The following MRRF variants were observed in gnomAD, a reference collection of about 807,000 sequenced individuals.
The protein encoded by MRRF is ribosome-recycling factor, mitochondrial.
In MRRF, 18 loss-of-function variants were observed where a neutral mutation model predicts 25.1. The ratio of observed to expected loss-of-function variants is 0.72; its 90% CI spans 0.50 to 1.06. The LOEUF is 1.06. Ranked by LOEUF, MRRF falls within the 50% of genes least tolerant of loss-of-function variation. The pLI is 0.00. For missense variants in MRRF, 323 were observed against 319.3 expected, an observed-to-expected ratio of 1.01 and a Z score of -0.09; for synonymous variants, 113 against 112.1, an observed-to-expected ratio of 1.01 and a Z score of -0.05.
chr9:122,292,406 G>A (rs1175862137), intron 5 of MRRF, among the ~76,000 whole-genome samples: 8 of 152,016 alleles, frequency 5.3e-5, no homozygotes, highest in African/African-American at 1.9e-4. Context: ...CTTGCTAGTC[G>A]AAGAATTTTA....
At chr9:122,275,963 A>G (rs1380506412) in intron 2 of MRRF, among the ~76,000 whole-genome samples, 1 of 152,092 alleles carries the variant, frequency 6.6e-6, no homozygotes, top group Admixed American at 6.5e-5. Flanking sequence ...ACTGGAGTGC[A>G]GTGGCATGAT....
At chr9:122,305,136 C>T (rs1564503865) in intron 5 of MRRF, among the ~76,000 whole-genome samples, 2 of 152,066 alleles carry the variant, frequency 1.3e-5, no homozygotes, top group African/African-American at 4.8e-5. Context: ...TGTAGCTGGG[C>T]ACTCTCTCTC....
At chr9:122,295,712 C>G (rs1430664702) in intron 5 of MRRF, among the ~76,000 whole-genome samples, 1 of 152,152 alleles carries the variant, frequency 6.6e-6, no homozygotes, top group Non-Finnish European at 1.5e-5. Context: ...ACCCAAAGTG[C>G]TGGGATTACA....
chr9:122,280,067 C>A (rs1268875377), intron 2 of MRRF, among the ~76,000 whole-genome samples: 1 of 152,146 alleles, frequency 6.6e-6, no homozygotes, highest in Non-Finnish European at 1.5e-5. Context: ...GTATAGTGTT[C>A]TTTTAGGTGT....
rs1281513220 is a variant in MRRF at position 122,327,006 on chromosome 9, C to G, written c.*4389C>G. The G allele has an allele frequency of 1.3e-5, 2 of 152,180 alleles. No individual in the cohort carries two copies. The highest frequency in any genetic ancestry group is 4.8e-5 in the African/African-American group (2 of 41,428). The allele number at this position is 152,180 out of a possible 1,614,324, so 9.4% of individuals were successfully genotyped here. A position where few individuals can be genotyped will look rare whatever the true frequency, so the allele number is the denominator to read the frequency against. On this transcript the variant is annotated 3_prime_UTR_variant, in exon 7 of 7. Coordinates refer to ENST00000344641, the MANE Select transcript of MRRF (RefSeq NM_138777.5). ...CGCTGAACACTTACTCAAAAGGGAC[C>G]TCGCGCTGTTCTGGACCTGGACGGT...
intron 2 of MRRF, among the ~76,000 whole-genome samples, chr9:122,273,317 C>T (rs2119047733): frequency 6.6e-6 from 1 of 151,974 alleles, no homozygotes; most frequent in Middle Eastern, 3.4e-3. Context: ...TGGTGCACCC[C>T]TGTGGTCCCA....
rs1834734220 is a variant in MRRF, at chr9:122,304,836, A to G, written c.552-8391A>G. On this transcript the variant is annotated intron_variant, in intron 5 of 6. Coordinates refer to ENST00000344641, the MANE Select transcript of MRRF (RefSeq NM_138777.5). ...CCAACAAGAGAGGAAATAGAGCAGAAGGCCTGGAATTTAGGAGTCAGGCTA... is the reference window on the plus strand; with the variant it reads ...CCAACAAGAGAGGAAATAGAGCAGAGGGCCTGGAATTTAGGAGTCAGGCTA... Among the ~76,000 whole-genome samples, 2 of 152,200 alleles carry G rather than the reference A, an allele frequency of 1.3e-5. 1 individual carries two copies. Among genetic ancestry groups the G allele is most frequent in the South Asian group, 4.1e-4 (2 of 4,826 alleles).
chr9:122,291,961 TG>T (rs1422703004), intron 5 of MRRF, 121 bp downstream of exon 5: 1 of 774,458 alleles, frequency 1.3e-6, no homozygotes, highest in East Asian at 2.5e-5. Context: ...CCTTTCACCC[TG>T]GCAAACATCT....
intron 3 of MRRF, among the ~76,000 whole-genome samples, chr9:122,283,380 A>G (rs1833197688): frequency 1.3e-5 from 2 of 152,310 alleles, no homozygotes; most frequent in South Asian, 4.1e-4. Context: ...GGCGTGAGCC[A>G]CTGTACCCGG....
At chr9:122,291,662 C>T in intron 4 of MRRF, 87 bp from the exon 5 acceptor site, 2 of 919,140 alleles carry the variant, frequency 2.2e-6, no homozygotes, top group South Asian at 1.3e-5. Context: ...CATGTTCTGC[C>T]AAGATGGGTT....
chr9:122,327,790 C>G lies in MRRF; in HGVS notation c.*5173C>G, dbSNP rs915742407. Reference sequence around the variant, plus strand: ...ATCTTGTTGTATATCAGGATTACAGCTCTTGCTTGCTTTTTGTTTACATTT... The same window carrying G: ...ATCTTGTTGTATATCAGGATTACAGGTCTTGCTTGCTTTTTGTTTACATTT... On this transcript the variant is annotated 3_prime_UTR_variant, in exon 7 of 7. Transcript: ENST00000344641. The G allele has an allele frequency of 7.9e-5, 12 of 151,328 alleles. No individual in the cohort carries two copies. The highest frequency in any genetic ancestry group is 2.9e-4 in the African/African-American group (12 of 41,256). 9.4% of individuals were successfully genotyped at this position (151,328 alleles called of 1,614,324 possible).
At chr9:122,298,567 C>T (rs1215833635) in intron 5 of MRRF, among the ~76,000 whole-genome samples, 1 of 152,200 alleles carries the variant, frequency 6.6e-6, no homozygotes, top group Non-Finnish European at 1.5e-5. Flanking sequence ...TTCCTCTGGT[C>T]CCGGACAACC....
At chr9:122,284,466 G>C (rs748764523) in intron 3 of MRRF, among the ~76,000 whole-genome samples, 2 of 152,112 alleles carry the variant, frequency 1.3e-5, no homozygotes, top group Non-Finnish European at 2.9e-5. Flanking sequence ...AATCCTCTAA[G>C]GTAGTTATTT....
At chr9:122,319,306 A>G (rs1396153857) in intron 6 of MRRF, among the ~76,000 whole-genome samples, 2 of 151,942 alleles carry the variant, frequency 1.3e-5, no homozygotes, top group East Asian at 3.9e-4. Context: ...TCCCGCCACC[A>G]TGCCCGGCTA....
At chr9:122,267,860 C>G (rs1222356933) in intron 1 of MRRF, among the ~76,000 whole-genome samples, 3 of 152,154 alleles carry the variant, frequency 2.0e-5, no homozygotes, top group African/African-American at 7.2e-5. Context: ...CTTTTAAAGT[C>G]TCATTAATAT....
chr9:122,279,268 G>A (rs1564477369), intron 2 of MRRF, among the ~76,000 whole-genome samples: 1 of 152,148 alleles, frequency 6.6e-6, no homozygotes, highest in Non-Finnish European at 1.5e-5. Flanking sequence ...TCACTCTGTT[G>A]CTTACCAGTT....
intron 3 of MRRF, among the ~76,000 whole-genome samples, chr9:122,280,918 G>A (rs1833063444): frequency 6.6e-6 from 1 of 152,314 alleles, no homozygotes; most frequent in South Asian, 2.1e-4. Flanking sequence ...ACAAAAATAG[G>A]TATTGTCTTT....
Position 122,326,350 on chromosome 9 carries a change from A to T in MRRF, c.*3733A>T, listed in dbSNP as rs1450333824. 2.0e-5 allele frequency: 3 copies of T among 151,400 alleles called. No individual in the cohort carries two copies. Among genetic ancestry groups the T allele is most frequent in the Non-Finnish European group, 4.4e-5 (3 of 67,882 alleles). The allele number at this position is 151,400 out of a possible 1,614,324, so 9.4% of individuals were successfully genotyped here. On this transcript the variant is annotated 3_prime_UTR_variant, in exon 7 of 7. Coordinates refer to ENST00000344641, the MANE Select transcript of MRRF (RefSeq NM_138777.5). ...TGGTCTTGAACTCCTGACTCAGGTG[A>T]TCCACCTGTCTCAGCCTCCCAAATT...
intron 3 of MRRF, among the ~76,000 whole-genome samples, chr9:122,282,469 G>GT (rs1833141894): frequency 1.3e-5 from 2 of 152,322 alleles, no homozygotes; most frequent in East Asian, 1.9e-4. Context: ...GGTCAAACAA[G>GT]TAAACCAACA....
Sources: allele counts gnomAD v4.1 joint callset (sites outside exome capture counted in the v4.1 genomes callset), GRCh38; gene constraint gnomAD v4.1.1; transcripts MANE v1.5; gene names NCBI Gene and HGNC (gene_info 2026-07-23, HGNC 2026-07-21).